ANO4: variants seen among roughly 807,000 people sequenced by gnomAD.
ANO4 encodes the protein anoctamin-4.
In ANO4, 69 loss-of-function variants were observed where a neutral mutation model predicts 141.9. The observed-to-expected ratio is 0.49, with a 90% CI of 0.40 to 0.59. ANO4 has a LOEUF of 0.59. ANO4 is among the 20% of genes least tolerant of loss of function. The pLI is 0.00. For synonymous variants in ANO4, 350 were observed against 394.3 expected, an observed-to-expected ratio of 0.89 and a Z score of 1.33; for missense variants, 894 against 1,162.2, an observed-to-expected ratio of 0.77 and a Z score of 3.36.
chr12:100,923,103 T>C (rs2041701071), intron 3 of ANO4, among the ~76,000 whole-genome samples: 1 of 152,106 alleles, frequency 6.6e-6, no homozygotes, highest in South Asian at 2.1e-4. Context: ...TGCAATTTTT[T>C]CTTACTTCTA....
chr12:101,020,775 A>C (rs1407546773), intron 9 of ANO4, among the ~76,000 whole-genome samples: 1 of 152,184 alleles, frequency 6.6e-6, no homozygotes, highest in Admixed American at 6.5e-5. Context: ...TTTTATGAGA[A>C]TGTGTCCATA....
At chr12:101,083,251 G>A (rs2049355487) in intron 15 of ANO4, among the ~76,000 whole-genome samples, 2 of 152,134 alleles carry the variant, frequency 1.3e-5, no homozygotes, top group African/African-American at 4.8e-5. Context: ...CTTACAAAAT[G>A]GATTTTGAAC....
intron 1 of ANO4, among the ~76,000 whole-genome samples, chr12:100,868,612 C>T (rs1235698164): frequency 6.6e-6 from 1 of 152,088 alleles, no homozygotes; most frequent in South Asian, 2.1e-4. Flanking sequence ...TTCAGCCACC[C>T]CCATCCCATT....
intron 14 of ANO4, among the ~76,000 whole-genome samples, chr12:101,062,735 C>G (rs891779490): frequency 1.3e-5 from 2 of 152,188 alleles, no homozygotes; most frequent in African/African-American, 4.8e-5. Context: ...ACCCCTCCCC[C>G]CACCAAGCTT....
chr12:101,024,987 A>G (rs2046674560), intron 9 of ANO4, among the ~76,000 whole-genome samples: 2 of 152,246 alleles, frequency 1.3e-5, no homozygotes, highest in African/African-American at 4.8e-5. Context: ...GTAAGGATCT[A>G]AAGCATAGGT....
intron 25 of ANO4, 46 bp from the exon 26 acceptor site, chr12:101,120,474 C>G: frequency 6.6e-7 from 1 of 1,513,406 alleles, no homozygotes; most frequent in Non-Finnish European, 9.2e-7. Context: ...ATTTGAGAAT[C>G]AGAAAAATCA....
At chr12:100,935,275 T>G (rs1237721646) in intron 3 of ANO4, among the ~76,000 whole-genome samples, 2 of 152,212 alleles carry the variant, frequency 1.3e-5, no homozygotes, top group Non-Finnish European at 2.9e-5. Flanking sequence ...CATCAATACC[T>G]AATTTATTGA....
chr12:101,029,803 G>A (rs768749793), intron 9 of ANO4, among the ~76,000 whole-genome samples: 6 of 150,286 alleles, frequency 4.0e-5, no homozygotes, highest in Non-Finnish European at 7.4e-5. Flanking sequence ...CCAGCTACTC[G>A]GGAGGCTGAG....
chr12:100,727,981 C>T (rs1428687271), intron 1 of ANO4, among the ~76,000 whole-genome samples: 1 of 152,190 alleles, frequency 6.6e-6, no homozygotes, highest in South Asian at 2.1e-4. Context: ...ATGTTAACCT[C>T]TCCTCCAAAC....
intron 13 of ANO4, among the ~76,000 whole-genome samples, chr12:101,045,346 C>T (rs1286344974): frequency 6.6e-6 from 1 of 152,216 alleles, no homozygotes; most frequent in East Asian, 1.9e-4. Context: ...CACTGCAAAA[C>T]ATGCCTTCTT....
intron 8 of ANO4, among the ~76,000 whole-genome samples, chr12:101,006,975 T>C (rs940398899): frequency 7.9e-5 from 12 of 152,162 alleles, no homozygotes; most frequent in African/African-American, 2.4e-4. Context: ...GAAAAAGATG[T>C]TCACAAGATC....
intron 1 of ANO4, among the ~76,000 whole-genome samples, chr12:100,842,390 T>C (rs1455217553): frequency 6.7e-6 from 1 of 149,616 alleles, no homozygotes; most frequent in Non-Finnish European, 1.5e-5. Context: ...TCCGCAGCTG[T>C]TTGCAAGTGT....
At chr12:101,045,215 C>G (rs968593508) in intron 13 of ANO4, among the ~76,000 whole-genome samples, 4 of 152,258 alleles carry the variant, frequency 2.6e-5, no homozygotes, top group African/African-American at 9.6e-5. Context: ...TTGATTATTT[C>G]TAATTCTCAC....
chr12:100,792,550 G>A (rs534301749), upstream of ANO4, among the ~76,000 whole-genome samples: 9 of 152,266 alleles, frequency 5.9e-5, no homozygotes, highest in South Asian at 2.1e-4. Flanking sequence ...TCTGAAATGG[G>A]AGGCATTTTC....
At chr12:101,074,123 T>C (rs139316766) in intron 14 of ANO4, among the ~76,000 whole-genome samples, 1 of 152,306 alleles carries the variant, frequency 6.6e-6, no homozygotes, top group Non-Finnish European at 1.5e-5. Flanking sequence ...TCATCTCCAT[T>C]AAGGTAAAAT....
chr12:101,006,971 G>T (rs1366939804), intron 8 of ANO4, among the ~76,000 whole-genome samples: 1 of 152,266 alleles, frequency 6.6e-6, no homozygotes, highest in Admixed American at 6.5e-5. Context: ...AAAAGAAAAA[G>T]ATGTTCACAA....
chr12:101,003,318 A>T (rs1414625077), intron 8 of ANO4, among the ~76,000 whole-genome samples: 1 of 152,236 alleles, frequency 6.6e-6, no homozygotes, highest in Non-Finnish European at 1.5e-5. Context: ...ATGCATTCTC[A>T]TAGCAGAGGG....
At chr12:100,742,934 A>AATGT (rs1195320063) in intron 3 of ANO4, among the ~76,000 whole-genome samples, 1 of 152,144 alleles carries the variant, frequency 6.6e-6, no homozygotes, top group Admixed American at 6.5e-5. Context: ...AGTGGTCCTG[A>AATGT]ATGTAGTTCT....
chr12:100,785,482 G>C (rs1003822123), intron 3 of ANO4, among the ~76,000 whole-genome samples: 1 of 152,122 alleles, frequency 6.6e-6, no homozygotes, highest in Admixed American at 6.5e-5. Context: ...CTGTCATAGA[G>C]TTGGAATTAT....
Sources: allele counts gnomAD v4.1 joint callset (sites outside exome capture counted in the v4.1 genomes callset), GRCh38; gene constraint gnomAD v4.1.1; transcripts MANE v1.5; gene names NCBI Gene and HGNC (gene_info 2026-07-23, HGNC 2026-07-21).